The following EIF2AK3 variants were observed in gnomAD, a reference collection of about 807,000 sequenced individuals.
The protein encoded by EIF2AK3 is eukaryotic translation initiation factor 2-alpha kinase 3.
A neutral mutation model predicts 113.5 loss-of-function variants in EIF2AK3; 50 were observed. That is an observed-to-expected ratio of 0.44 (90% CI 0.35 to 0.56). EIF2AK3 has a LOEUF of 0.56. Ranked by LOEUF, EIF2AK3 falls within the 20% of genes least tolerant of loss-of-function variation. The pLI, the probability that EIF2AK3 is intolerant of heterozygous loss-of-function variation, is 0.00. For synonymous variants in EIF2AK3, 448 were observed against 495.4 expected (o/e 0.90, Z 1.27); for missense variants, 1,185 against 1,378.0 (o/e 0.86, Z 2.22).
In EIF2AK3 at chr2:88,557,514, C is replaced by A. The variant is rs987811291; in HGVS notation, c.*222G>T. ...CCAGCAGCCAGTTTCAAGAGACTAA[C>A]AAAGAACAAAGATAGCCCTTTCCTT... On this transcript the variant is annotated 3_prime_UTR_variant, in exon 17 of 17. Transcript: ENST00000303236. 7 of 578,866 alleles carry A rather than the reference C, an allele frequency of 1.2e-5. No homozygotes were observed. The highest frequency in any genetic ancestry group is 5.6e-5 in the African/African-American group (3 of 53,400). 35.9% of individuals were successfully genotyped at this position (578,866 alleles called of 1,614,324 possible). A position where few individuals can be genotyped will look rare whatever the true frequency, so the allele number is the denominator to read the frequency against.
rs1327996297 is a variant in EIF2AK3 at position 88,593,398 on chromosome 2, T to C, written c.641A>G (p.Tyr214Cys). The change falls in exon 4 of 17, where the codon TAT becomes TGT. Residue 214 changes from tyrosine to cysteine, a missense_variant. By Grantham distance (194) the Tyr-to-Cys change is radical. Around this residue, in one of 3 missense-constraint regions of EIF2AK3, gnomAD observed 119 missense variants for 178.7 expected, o/e 0.67. Transcript: ENST00000303236. ...GCGACAACCCAGAGCTGAACAGATA[T>C]ACCTCACCTGAAAAGACAAAATTAG... ...GLSAYSGKVRYICSALGCRQW... is the reference protein window; with the variant it reads ...GLSAYSGKVRCICSALGCRQW... The C allele has an allele frequency of 6.2e-7, 1 of 1,613,896 alleles. No individual in the cohort carries two copies. The highest frequency in any genetic ancestry group is 8.5e-7 in the Non-Finnish European group (1 of 1,179,924).
At chr2:88,586,194 C>T (rs1046412063) in intron 8 of EIF2AK3, 133 bp from the exon 9 acceptor site, 12 of 710,594 alleles carry the variant, frequency 1.7e-5, no homozygotes, top group South Asian at 7.4e-5. Context: ...TCTTCTTTAA[C>T]GTATTTTAAA....
chr2:88,613,700 C>T (rs1248856824), intron 2 of EIF2AK3, 24 bp downstream of exon 2: 2 of 1,613,690 alleles, frequency 1.2e-6, no homozygotes, highest in South Asian at 1.1e-5. Context: ...GTTTTCTAGT[C>T]AACAGTTAAC....
chr2:88,627,121 C>G lies in EIF2AK3; in HGVS notation c.154G>C (p.Ala52Pro). 1 of 1,502,876 alleles carries G rather than the reference C, an allele frequency of 6.7e-7. No homozygotes were observed. The highest frequency in any genetic ancestry group is 8.8e-7 in the Non-Finnish European group (1 of 1,132,746). The allele number at this position is 1,502,876 out of a possible 1,614,324, so 93.1% of individuals were successfully genotyped here. The change falls in exon 1 of 17, where the codon GCT becomes CCT. Residue 52 changes from alanine to proline, a missense_variant. Ala to Pro is a conservative substitution (Grantham distance 27, BLOSUM62 -1). This residue lies in a region of EIF2AK3 where 189 missense variants were observed against 175.2 expected (regional missense o/e 1.08). Transcript: ENST00000303236. ...EAAFGLGAAA[A>P]PTSATRVPAA... ...GGTACTCGCGTCGCTGAGGTGGGAG[C>G]AGCGGCCGCCCCGAGGCCGAACGCC...
intron 11 of EIF2AK3, among the ~76,000 whole-genome samples, chr2:88,578,184 G>A (rs1674510274): frequency 6.6e-6 from 1 of 152,110 alleles, no homozygotes; most frequent in Non-Finnish European, 1.5e-5. Context: ...GTACCTACCA[G>A]ACAGGAATTT....
chr2:88,569,356 ATT>A (rs927471966), intron 14 of EIF2AK3, among the ~76,000 whole-genome samples: 3 of 149,334 alleles, frequency 2.0e-5, no homozygotes. Context: ...AACAAACAAC[ATT>A]TTTTTTTTAA....
chr2:88,596,283 G>C (rs145176806), intron 2 of EIF2AK3, among the ~76,000 whole-genome samples: 2 of 152,022 alleles, frequency 1.3e-5, no homozygotes, highest in Non-Finnish European at 2.9e-5. Flanking sequence ...TTGTGTTCTC[G>C]GTTGCCCTCC....
chr2:88,562,529 G>T, intron 14 of EIF2AK3, 139 bp from the exon 15 acceptor site: 2 of 718,828 alleles, frequency 2.8e-6, no homozygotes, highest in Non-Finnish European at 4.9e-6. Context: ...TTAGCAAAGA[G>T]TTAATCTCCC....
chr2:88,610,640 G>A (rs373665879), intron 2 of EIF2AK3, among the ~76,000 whole-genome samples: 124 of 152,274 alleles, frequency 8.1e-4, no homozygotes, highest in African/African-American at 2.9e-3. Context: ...TTGCAAAAAT[G>A]TAAAATGCTA....
chr2:88,575,648 T>A (rs1165834540), intron 12 of EIF2AK3: 1 of 639,802 alleles, frequency 1.6e-6, no homozygotes, highest in African/African-American at 1.8e-5. Context: ...AAACTTAATT[T>A]TAAAGCTTAA....
intron 14 of EIF2AK3, among the ~76,000 whole-genome samples, chr2:88,568,869 G>C (rs904911380): frequency 6.6e-6 from 1 of 152,148 alleles, no homozygotes; most frequent in Non-Finnish European, 1.5e-5. Flanking sequence ...ACAAACTACA[G>C]TTATTGAGAC....
chr2:88,607,197 A>T (rs2104460283), intron 2 of EIF2AK3, among the ~76,000 whole-genome samples: 1 of 152,308 alleles, frequency 6.6e-6, no homozygotes, highest in African/African-American at 2.4e-5. Context: ...AGAGATCCTA[A>T]AGAAAAAACG....
At chr2:88,622,047 C>A (rs937931176) in intron 1 of EIF2AK3, among the ~76,000 whole-genome samples, 1 of 152,026 alleles carries the variant, frequency 6.6e-6, no homozygotes, top group Non-Finnish European at 1.5e-5. Context: ...CAGACGTGTG[C>A]CACCATGCCT....
chr2:88,578,655 C>G (rs1253809993), intron 11 of EIF2AK3, among the ~76,000 whole-genome samples: 2 of 150,314 alleles, frequency 1.3e-5, no homozygotes, highest in African/African-American at 4.9e-5. Flanking sequence ...GCACTCCAGC[C>G]TGGGTGACGG....
intron 1 of EIF2AK3, among the ~76,000 whole-genome samples, chr2:88,616,979 G>A (rs1049024344): frequency 2.6e-5 from 4 of 152,136 alleles, no homozygotes; most frequent in African/African-American, 9.7e-5. Flanking sequence ...CTCCCCAGAA[G>A]CATGTCTCTG....
At chr2:88,626,649 G>C (rs1299684814) in intron 1 of EIF2AK3, among the ~76,000 whole-genome samples, 3 of 152,276 alleles carry the variant, frequency 2.0e-5, no homozygotes, top group Admixed American at 1.3e-4. Context: ...TTCCTTGGAA[G>C]AGAATCAATG....
chr2:88,582,560 T>G (rs781600838), intron 10 of EIF2AK3, among the ~76,000 whole-genome samples: 10 of 152,176 alleles, frequency 6.6e-5, no homozygotes, highest in Non-Finnish European at 1.2e-4. Context: ...AAATGAGAAC[T>G]GTAATTGTCA....
At chr2:88,577,916 T>C (rs1049811035) in intron 11 of EIF2AK3, among the ~76,000 whole-genome samples, 1 of 152,204 alleles carries the variant, frequency 6.6e-6, no homozygotes, top group African/African-American at 2.4e-5. Context: ...TGACTGCCTT[T>C]TGGCCACATC....
In EIF2AK3 at chr2:88,570,953, T is replaced by A. The variant is rs1447475016; in HGVS notation, c.2906A>T (p.Gln969Leu). The A allele has an allele frequency of 1.2e-6, 2 of 1,614,194 alleles. No homozygotes were observed. The highest frequency in any genetic ancestry group is 3.3e-5 in the Admixed American group (2 of 60,026). Residue 969 changes from glutamine to leucine, a missense_variant, in exon 14 of 17, where the codon CAG becomes CTG. Gln to Leu is a moderately radical substitution (Grantham distance 113, BLOSUM62 -2). Transcript: ENST00000303236. ...VTAMDQDEEE[Q>L]TVLTPMPAYA... ...AGCTGGCATTGGGGTCAGAACCGTC[T>A]GCTCTTCCTCATCCTGGTCCATTGC...
Sources: allele counts gnomAD v4.1 joint callset (sites outside exome capture counted in the v4.1 genomes callset), GRCh38; gene constraint gnomAD v4.1.1; regional missense constraint gnomAD v4.1.1; transcripts MANE v1.5; gene names NCBI Gene and HGNC (gene_info 2026-07-23, HGNC 2026-07-21).